Variants in POLI observed in about 807,000 individuals in gnomAD.
POLI encodes the protein RAD30 homolog B.
A neutral mutation model predicts 51.6 loss-of-function variants in POLI; 58 were observed. The observed-to-expected ratio is 1.12, with a 90% CI of 0.91 to 1.40. The LOEUF is 1.40. Among genes scored for constraint, POLI ranks in the 40% most tolerant of loss-of-function variants. The pLI, the probability that POLI is intolerant of heterozygous loss-of-function variation, is 0.00. For missense variants in POLI, 921 were observed against 871.3 expected (o/e 1.06, Z -0.72); for synonymous variants, 322 against 299.7 (o/e 1.07, Z -0.77).
chr18:54,291,665 T>C, intron 8 of POLI, 168 bp from the exon 9 acceptor site: 1 of 427,562 alleles, frequency 2.3e-6, no homozygotes, highest in African/African-American at 2.0e-5. Flanking sequence ...TTTCAAATCT[T>C]TTGAAAATTT....
Position 54,274,021 on chromosome 18 carries a change from T to C in POLI, c.337T>C (p.Cys113Arg). 1.3e-6 allele frequency: 2 copies of C among 1,579,944 alleles called. No individual in the cohort carries two copies. The highest frequency in any genetic ancestry group is 1.7e-6 in the Non-Finnish European group (2 of 1,161,226). ...GAATGTCAGAGATGCAAAAGAAAAG[T>C]GTCCACAGTTGGTATTAGTTAATGG... ...LMNVRDAKEKCPQLVLVNGED... is the reference protein window; with the variant it reads ...LMNVRDAKEKRPQLVLVNGED... The change falls in exon 3 of 10, where the codon TGT becomes CGT. Residue 113 changes from cysteine (C) to arginine (R), a missense_variant. Transcript: ENST00000579534.
chr18:54,294,095 C>T lies in POLI; in HGVS notation c.1851C>T (p.Ser617=), dbSNP rs1294426581. Residue 617 remains serine, a synonymous_variant, in exon 10 of 10, where the codon AGC becomes AGT. Transcript: ENST00000579534. ...FNSSSSSYMS[S]QKDYSYYLDN... ...GCAGTAGTTCTTCTTACATGTCTAG[C>T]CAAAAGGATTATTCATATTATTTAG... The T allele has an allele frequency of 1.2e-6, 2 of 1,608,448 alleles. No individual in the cohort carries two copies. Among genetic ancestry groups the T allele is most frequent in the Non-Finnish European group, 1.7e-6 (2 of 1,175,118 alleles).
Position 54,277,828 on chromosome 18 carries a change from G to A in POLI, c.532G>A (p.Val178Met). The A allele has an allele frequency of 6.2e-7, 1 of 1,612,866 alleles. No homozygotes were observed. The highest frequency in any genetic ancestry group is 8.5e-7 in the Non-Finnish European group (1 of 1,179,222). ...LQSDELSAVT[V>M]SGHVYNNQSI... is the part of the protein sequence containing the mutation. ...AAGTGATGAACTTTCTGCGGTGACT[G>A]TGTCGGGTCATGTATACAATAATCA... The change falls in exon 4 of 10, where the codon GTG (valine) becomes ATG (methionine). Residue 178 changes from valine (V) to methionine (M), a missense_variant. Transcript: ENST00000579534.
At chr18:54,316,868 A>C (rs1599286942) in intron 3 of POLI, among the ~76,000 whole-genome samples, 1 of 152,200 alleles carries the variant, frequency 6.6e-6, no homozygotes, top group East Asian at 1.9e-4. Context: ...ACTTAACTGC[A>C]TTAGATTAAA....
intron 3 of POLI, among the ~76,000 whole-genome samples, chr18:54,304,073 CCTACA>C (rs1398451222): frequency 2.0e-5 from 3 of 152,114 alleles, no homozygotes; most frequent in Non-Finnish European, 4.4e-5. Flanking sequence ...CATCCACGTC[CCTACA>C]AAGGACATGA....
chr18:54,304,831 T>C (rs1341055337), intron 3 of POLI, among the ~76,000 whole-genome samples: 1 of 152,238 alleles, frequency 6.6e-6, no homozygotes, highest in Non-Finnish European at 1.5e-5. Context: ...CATGAAGTCC[T>C]TGCCCATGCC....
At chr18:54,299,648 T>G (rs763456528), downstream of POLI, among the ~76,000 whole-genome samples, 1 of 152,150 alleles carries the variant, frequency 6.6e-6, no homozygotes, top group East Asian at 1.9e-4. Context: ...TCAGGCAGGC[T>G]AATACATGTC....
chr18:54,303,259 C>T (rs1893958), intron 3 of POLI, among the ~76,000 whole-genome samples: 56,096 of 151,984 alleles, frequency 0.37, 11,298 homozygotes, highest in East Asian at 0.68. Flanking sequence ...GTAATAAATT[C>T]ACCCCTTTCT....
intron 5 of POLI, 127 bp downstream of exon 5, chr18:54,281,030 G>GTGTA (rs2087477806): frequency 7.1e-6 from 4 of 560,410 alleles, no homozygotes; most frequent in Non-Finnish European, 6.2e-6. Context: ...ATGTGTGTGT[G>GTGTA]TGTGTATACT....
chr18:54,300,505 TAAAA>T (rs1198107821), downstream of POLI, among the ~76,000 whole-genome samples: 2 of 150,812 alleles, frequency 1.3e-5, no homozygotes, highest in Admixed American at 6.6e-5. Flanking sequence ...AATAGAATAA[TAAAA>T]AGCCACAAAA....
At chr18:54,269,888 G>A (rs1228061538) in intron 1 of POLI, 13 of 1,265,528 alleles carry the variant, frequency 1.0e-5, no homozygotes, top group Non-Finnish European at 1.1e-5. Context: ...ACAAATACGT[G>A]TCGAGGGTTT....
At chr18:54,305,210 TG>T (rs1169535685) in intron 3 of POLI, among the ~76,000 whole-genome samples, 2 of 152,202 alleles carry the variant, frequency 1.3e-5, no homozygotes, top group African/African-American at 2.4e-5. Context: ...CCTCCAGCTT[TG>T]TTCTTTTTGC....
Position 54,296,291 on chromosome 18 carries a change from T to C in POLI, c.*1824T>C, listed in dbSNP as rs544819684. 3 of 985,276 alleles carry C rather than the reference T, an allele frequency of 3.0e-6. No homozygotes were observed. The highest frequency in any genetic ancestry group is 4.7e-5 in the South Asian group (1 of 21,284). 61.0% of individuals were successfully genotyped at this position (985,276 alleles called of 1,614,324 possible). ...AGCTTAAAAAGAGAAAGCAAAATAGTTAAAAATACATTTCATAGATTGAGA... is the reference window on the plus strand; with the variant it reads ...AGCTTAAAAAGAGAAAGCAAAATAGCTAAAAATACATTTCATAGATTGAGA... On this transcript the variant is annotated 3_prime_UTR_variant, in exon 10 of 10. Transcript: ENST00000579534.
intron 3 of POLI, among the ~76,000 whole-genome samples, chr18:54,276,644 T>G (rs1048744171): frequency 4.6e-5 from 7 of 152,260 alleles, no homozygotes; most frequent in African/African-American, 1.7e-4. Context: ...TTTCTTTGAT[T>G]AGACATATTG....
At chr18:54,288,407 T>C (rs2087843517) in intron 8 of POLI, among the ~76,000 whole-genome samples, 1 of 152,180 alleles carries the variant, frequency 6.6e-6, no homozygotes, top group Non-Finnish European at 1.5e-5. Context: ...TGGTATACGG[T>C]AAGGGTCTTC....
Position 54,269,636 on chromosome 18 carries a change from C to G in POLI, c.90C>G (p.Asp30Glu). The G allele has an allele frequency of 1.3e-6, 2 of 1,507,854 alleles. No homozygotes were observed. Among genetic ancestry groups the G allele is most frequent in the Non-Finnish European group, 1.8e-6 (2 of 1,131,044 alleles). 93.4% of individuals were successfully genotyped at this position (1,507,854 alleles called of 1,614,324 possible). A position where few individuals can be genotyped will look rare whatever the true frequency, so the allele number is the denominator to read the frequency against. Reference sequence around the variant, plus strand: ...AGGCCTGGGCCATGGAACTGGCGGACGTGGGGGCGGCAGCCAGCTCGCAGG... The same window carrying G: ...AGGCCTGGGCCATGGAACTGGCGGAGGTGGGGGCGGCAGCCAGCTCGCAGG... ...DAEAWAMELADVGAAASSQGV... is the reference protein window; with the variant it reads ...DAEAWAMELAEVGAAASSQGV... The change falls in exon 1 of 10, where the codon GAC becomes GAG. Residue 30 changes from aspartate to glutamate, a missense_variant. By Grantham distance (45) the Asp-to-Glu change is conservative. Coordinates refer to ENST00000579534, the MANE Select transcript of POLI (RefSeq NM_007195.3).
At chr18:54,310,272 C>T (rs959859875) in intron 3 of POLI, among the ~76,000 whole-genome samples, 11 of 152,126 alleles carry the variant, frequency 7.2e-5, no homozygotes, top group Admixed American at 1.3e-4. Context: ...TTTTCTAGTT[C>T]GCTGTTTTAC....
At chr18:54,315,922 T>A (rs895301945) in intron 3 of POLI, among the ~76,000 whole-genome samples, 46 of 140,994 alleles carry the variant, frequency 3.3e-4, no homozygotes, top group African/African-American at 1.2e-3. Flanking sequence ...ATTTTATGCA[T>A]TTTTTTTTTT....
At chr18:54,309,811 C>T (rs2088644244) in intron 3 of POLI, among the ~76,000 whole-genome samples, 1 of 152,204 alleles carries the variant, frequency 6.6e-6, no homozygotes, top group African/African-American at 2.4e-5. Flanking sequence ...CCCAGCGAGG[C>T]ATGCCAAGCC....
Sources: gnomAD v4.1 joint callset for allele counts (sites outside exome capture counted in the v4.1 genomes callset) on GRCh38, gnomAD v4.1.1 for gene constraint, MANE v1.5 for transcripts, NCBI Gene and HGNC (gene_info 2026-07-23, HGNC 2026-07-21) for gene names.